The following ADAM32 variants were observed in gnomAD, a reference collection of about 807,000 sequenced individuals.
ADAM32 encodes ADAM metallopeptidase domain 32.
ADAM32 carries 89 observed loss-of-function variants against 114.9 expected under a neutral mutation model. That is an observed-to-expected ratio of 0.77 (90% CI 0.65 to 0.92). ADAM32 has a LOEUF of 0.92. Among genes scored for constraint, ADAM32 ranks in the 40% least tolerant of loss-of-function variants. ADAM32 has a pLI of 0.00. For missense variants in ADAM32, 870 were observed against 932.8 expected (o/e 0.93, Z 0.88); for synonymous variants, 285 against 307.5 (o/e 0.93, Z 0.77).
intron 2 of ADAM32, among the ~76,000 whole-genome samples, chr8:39,126,652 A>G (rs1802135229): frequency 6.6e-6 from 1 of 152,110 alleles, no homozygotes; most frequent in South Asian, 2.1e-4. Flanking sequence ...TCCTATTTGA[A>G]CATCCTTTAT....
intron 2 of ADAM32, among the ~76,000 whole-genome samples, chr8:39,134,244 G>T (rs1802645087): frequency 6.6e-6 from 1 of 151,996 alleles, no homozygotes; most frequent in Non-Finnish European, 1.5e-5. Context: ...TGCTGCCTCT[G>T]CTTGGGTATC....
chr8:39,218,436 G>T (rs1282400522), intron 12 of ADAM32, among the ~76,000 whole-genome samples: 1 of 152,176 alleles, frequency 6.6e-6, no homozygotes, highest in Non-Finnish European at 1.5e-5. Flanking sequence ...AACCAGGCTT[G>T]TGTCCTCCCC....
chr8:39,168,486 T>C (rs960879911), intron 9 of ADAM32: 17 of 152,118 alleles, frequency 1.1e-4, no homozygotes, highest in Non-Finnish European at 2.1e-4. Flanking sequence ...TGATAAACAG[T>C]TTGCTGTTTA....
intron 10 of ADAM32, among the ~76,000 whole-genome samples, chr8:39,174,467 ATT>A (rs58760134): frequency 1.1e-4 from 17 of 150,696 alleles, no homozygotes; most frequent in South Asian, 4.2e-4. Context: ...GTTCCATATG[ATT>A]TTTTTTTTGC....
Position 39,147,159 on chromosome 8 carries a change from A to G in ADAM32, c.230A>G (p.Tyr77Cys). The change falls in exon 4 of 25, where the codon TAT becomes TGT. Residue 77 changes from tyrosine (Y) to cysteine (C), a missense_variant. Tyr to Cys is a radical substitution (Grantham distance 194, BLOSUM62 -2). Transcript: ENST00000379907. ...TTTTTAGCAGATAATTTTATGATCTATTTGTACAATCAAGGATCTATGAAT... is the reference window on the plus strand; with the variant it reads ...TTTTTAGCAGATAATTTTATGATCTGTTTGTACAATCAAGGATCTATGAAT... ...RYFLADNFMIYLYNQGSMNTY... is the reference protein window; with the variant it reads ...RYFLADNFMICLYNQGSMNTY... 2.0e-6 allele frequency: 2 copies of G among 995,058 alleles called. No individual in the cohort carries two copies. Among genetic ancestry groups the G allele is most frequent in the Non-Finnish European group, 2.7e-6 (2 of 742,992 alleles). The allele number at this position is 995,058 out of a possible 1,614,324, so 61.6% of individuals were successfully genotyped here.
chr8:39,232,156 T>C (rs1484305169), intron 15 of ADAM32, 21 bp downstream of exon 15: 3 of 1,533,132 alleles, frequency 2.0e-6, no homozygotes, highest in Non-Finnish European at 1.8e-6. Flanking sequence ...CAAATATAAA[T>C]GATACTTTTC....
chr8:39,176,830 T>G (rs1177349054), intron 10 of ADAM32, among the ~76,000 whole-genome samples: 1 of 152,198 alleles, frequency 6.6e-6, no homozygotes, highest in African/African-American at 2.4e-5. Flanking sequence ...TAAGTCTCTT[T>G]GTAGGTCTCT....
intron 15 of ADAM32, 119 bp from the exon 16 acceptor site, chr8:39,233,780 T>C (rs1809906226): frequency 1.6e-6 from 1 of 637,018 alleles, no homozygotes; most frequent in Admixed American, 4.2e-5. Context: ...ATTAACGTTT[T>C]CTGTAAGTAC....
chr8:39,270,008 G>A (rs575218437), intron 19 of ADAM32, among the ~76,000 whole-genome samples: 10 of 150,764 alleles, frequency 6.6e-5, no homozygotes, highest in African/African-American at 2.2e-4. Context: ...TTATAAAACC[G>A]TCAGATCTCA....
intron 2 of ADAM32, chr8:39,129,957 T>A: frequency 9.9e-6 from 1 of 100,620 alleles, no homozygotes. Context: ...CACATTTCCT[T>A]TTTTTTTTTT....
chr8:39,164,359 A>T (rs1408611427), intron 7 of ADAM32, among the ~76,000 whole-genome samples: 2 of 152,212 alleles, frequency 1.3e-5, no homozygotes, highest in African/African-American at 4.8e-5. Context: ...ACTACAGTTT[A>T]TTTAACCATT....
chr8:39,244,215 A>G (rs1449999810), intron 16 of ADAM32, among the ~76,000 whole-genome samples: 1 of 152,230 alleles, frequency 6.6e-6, no homozygotes, highest in African/African-American at 2.4e-5. Flanking sequence ...TAAATTCAAT[A>G]TAATTCCCAT....
chr8:39,234,118 T>G, intron 16 of ADAM32, 36 bp downstream of exon 16: 2 of 1,224,634 alleles, frequency 1.6e-6, no homozygotes, highest in Non-Finnish European at 2.1e-6. Flanking sequence ...AAATATAGTT[T>G]TATTTATTGT....
At chr8:39,191,056 C>T (rs1249703595) in intron 11 of ADAM32, among the ~76,000 whole-genome samples, 1 of 152,166 alleles carries the variant, frequency 6.6e-6, no homozygotes, top group African/African-American at 2.4e-5. Flanking sequence ...CCTCCAGCTC[C>T]ATCCATCGTC....
intron 10 of ADAM32, among the ~76,000 whole-genome samples, chr8:39,170,733 TA>T (rs1409035258): frequency 6.6e-6 from 1 of 152,080 alleles, no homozygotes; most frequent in African/African-American, 2.4e-5. Context: ...ATTGTTTTCT[TA>T]AAAGAGTTTT....
At chr8:39,242,387 T>C (rs1270162031) in intron 16 of ADAM32, among the ~76,000 whole-genome samples, 2 of 152,196 alleles carry the variant, frequency 1.3e-5, no homozygotes, top group African/African-American at 4.8e-5. Context: ...ACTGTATTAG[T>C]TTTTTTCATG....
At chr8:39,257,476 A>G in intron 19 of ADAM32, 133 bp downstream of exon 19, 1 of 1,118,432 alleles carries the variant, frequency 8.9e-7, no homozygotes, top group Non-Finnish European at 1.2e-6. Flanking sequence ...TATGTCATTT[A>G]ATTTTATGAG....
chr8:39,112,478 T>C (rs2129444055), intron 1 of ADAM32, among the ~76,000 whole-genome samples: 1 of 152,360 alleles, frequency 6.6e-6, no homozygotes, highest in East Asian at 1.9e-4. Flanking sequence ...TTAAAACAAA[T>C]AGTTTCCCAT....
At chr8:39,253,077 C>T (rs1002056994) in intron 17 of ADAM32, among the ~76,000 whole-genome samples, 3 of 151,442 alleles carry the variant, frequency 2.0e-5, no homozygotes, top group Non-Finnish European at 3.0e-5. Flanking sequence ...CTATATTTGC[C>T]GCACGTTAAA....
Sources: allele counts gnomAD v4.1 joint callset (sites outside exome capture counted in the v4.1 genomes callset), GRCh38; gene constraint gnomAD v4.1.1; transcripts MANE v1.5; gene names NCBI Gene and HGNC (gene_info 2026-07-23, HGNC 2026-07-21).